The following COA8 variants were observed in gnomAD, a reference collection of about 807,000 sequenced individuals.
COA8 encodes the protein UPF0671 protein C14orf153.
In COA8, 20 loss-of-function variants were observed where a neutral mutation model predicts 22.0. The ratio of observed to expected loss-of-function variants is 0.91; its 90% CI spans 0.64 to 1.32. The LOEUF (loss-of-function observed/expected upper bound fraction) is 1.32, where lower values mean the gene tolerates loss of function less well. Among genes scored for constraint, COA8 ranks in the 40% most tolerant of loss-of-function variants. COA8 has a pLI of 0.00. For synonymous variants in COA8, 105 were observed against 79.9 expected, an observed-to-expected ratio of 1.31 and a Z score of -1.68; for missense variants, 266 against 230.0, an observed-to-expected ratio of 1.16 and a Z score of -1.01.
chr14:103,564,407 C>CAG (rs2076118827), intron 1 of COA8, among the ~76,000 whole-genome samples: 1 of 151,926 alleles, frequency 6.6e-6, no homozygotes. Context: ...TATCTTTGGG[C>CAG]AGAAAGATAG....
chr14:103,567,346 C>T (rs1185033646), intron 1 of COA8: 1 of 145,526 alleles, frequency 6.9e-6, no homozygotes, highest in Non-Finnish European at 1.5e-5. Flanking sequence ...GCACTCCAGC[C>T]TGGGCAACAA....
At chr14:103,564,053 T>A (rs1451235610) in intron 1 of COA8, among the ~76,000 whole-genome samples, 2 of 151,588 alleles carry the variant, frequency 1.3e-5, no homozygotes, top group Non-Finnish European at 2.9e-5. Flanking sequence ...CTCGGGAGGA[T>A]GAGGCAGGAA....
chr14:103,572,511 C>T (rs1438575695), intron 2 of COA8, among the ~76,000 whole-genome samples: 2 of 152,220 alleles, frequency 1.3e-5, no homozygotes, highest in African/African-American at 4.8e-5. Flanking sequence ...GGGTGGATCA[C>T]TTGAAGCCAG....
chr14:103,587,349 A>G lies in COA8; in HGVS notation c.461A>G (p.His154Arg). The change falls in exon 4 of 5, where the codon CAC becomes CGC. Residue 154 changes from histidine to arginine, a missense_variant. Coordinates refer to ENST00000409074, the MANE Select transcript of COA8 (RefSeq NM_001370595.2). ...TTTTTAAGTAAAAATTTTCAGAAGCACATGTATTATAACAGGTAGGTGTTT... is the reference window on the plus strand; with the variant it reads ...TTTTTAAGTAAAAATTTTCAGAAGCGCATGTATTATAACAGGTAGGTGTTT... ...KEFLSKNFQKHMYYNRDWYKR... is the reference protein window; with the variant it reads ...KEFLSKNFQKRMYYNRDWYKR... 15 of 1,612,764 alleles carry G rather than the reference A, an allele frequency of 9.3e-6. No homozygotes were observed. Among genetic ancestry groups the G allele is most frequent in the Non-Finnish European group, 1.2e-5 (14 of 1,178,984 alleles).
Position 103,590,205 on chromosome 14 carries a change from C to T in COA8, c.501C>T (p.Ala167=). 3.1e-6 allele frequency: 5 copies of T among 1,614,152 alleles called. No individual in the cohort carries two copies. Among genetic ancestry groups the T allele is most frequent in the Non-Finnish European group, 3.4e-6 (4 of 1,180,004 alleles). Residue 167 remains alanine, a synonymous_variant, in exon 5 of 5, where the codon GCC becomes GCT. Transcript: ENST00000409074. ...YNRDWYKRNF[A]ITFFMGKVAL... ...GAGATTGGTACAAGCGCAATTTTGCCATCACCTTCTTCATGGGAAAAGTGG... is the reference window on the plus strand; with the variant it reads ...GAGATTGGTACAAGCGCAATTTTGCTATCACCTTCTTCATGGGAAAAGTGG...
At chr14:103,578,800 G>A (rs1045769086) in intron 3 of COA8, among the ~76,000 whole-genome samples, 1 of 152,180 alleles carries the variant, frequency 6.6e-6, no homozygotes, top group Non-Finnish European at 1.5e-5. Flanking sequence ...GGAGTCAGGT[G>A]GCAGCAGCTG....
chr14:103,585,095 G>C, intron 3 of COA8, among the ~76,000 whole-genome samples: 1 of 151,586 alleles, frequency 6.6e-6, no homozygotes, highest in Admixed American at 6.6e-5. Context: ...CCGAGATTGC[G>C]CCACTGCACT....
chr14:103,565,922 A>C (rs1225691171), intron 1 of COA8, among the ~76,000 whole-genome samples: 1 of 151,892 alleles, frequency 6.6e-6, no homozygotes, highest in African/African-American at 2.4e-5. Context: ...GCCCAAAGTC[A>C]CTTTTAGCTT....
chr14:103,569,865 G>GT (rs796666657), intron 1 of COA8, among the ~76,000 whole-genome samples: 2,975 of 151,252 alleles, frequency 0.02, 97 homozygotes, highest in African/African-American at 0.067. Flanking sequence ...TTGTTTGTTT[G>GT]TTTTTTTTTG....
rs536485972 is a variant in COA8 at position 103,566,377 on chromosome 14, G to A, written c.123+3253G>A. Among the ~76,000 whole-genome samples the A allele has an allele frequency of 1.4e-4, 21 of 152,256 alleles. No individual in the cohort carries two copies. The East Asian group carries it at 2.3e-3, about 17-fold the overall frequency. On this transcript the variant is annotated intron_variant, in intron 1 of 4. Transcript: ENST00000409074. ...AGAGGTTGCAGTGAGCCGAGATCGCGCCATTGCACTCCAGCCTGGGCGATG... is the reference window on the plus strand; with the variant it reads ...AGAGGTTGCAGTGAGCCGAGATCGCACCATTGCACTCCAGCCTGGGCGATG...
intron 1 of COA8, among the ~76,000 whole-genome samples, chr14:103,565,618 A>ATTT (rs751191347): frequency 7.8e-6 from 1 of 128,850 alleles, no homozygotes. Flanking sequence ...TTTTTTTTTA[A>ATTT]TTTTTTTTTT....
At chr14:103,572,299 T>C (rs781507728) in intron 2 of COA8, among the ~76,000 whole-genome samples, 1 of 152,212 alleles carries the variant, frequency 6.6e-6, no homozygotes, top group African/African-American at 2.4e-5. Context: ...TAAAAACTAA[T>C]ATGTAACTGT....
intron 4 of COA8, among the ~76,000 whole-genome samples, 155 bp downstream of exon 4, chr14:103,587,519 T>G (rs2076317639): frequency 6.7e-6 from 1 of 149,404 alleles, no homozygotes; most frequent in Non-Finnish European, 1.5e-5. Context: ...TTTTTTTTTT[T>G]TTTTTTGAGA....
intron 3 of COA8, among the ~76,000 whole-genome samples, chr14:103,578,012 G>GAAACTCC (rs2076241425): frequency 2.8e-5 from 3 of 108,810 alleles, no homozygotes; most frequent in Non-Finnish European, 3.4e-5. Flanking sequence ...CAGCAAGAGT[G>GAAACTCC]AAACTCCATC....
intron 3 of COA8, among the ~76,000 whole-genome samples, chr14:103,575,072 C>T (rs916732086): frequency 7.9e-5 from 12 of 152,262 alleles, no homozygotes; most frequent in Non-Finnish European, 1.0e-4. Flanking sequence ...TACTGGGCCT[C>T]GCCGCGCCCC....
intron 3 of COA8, 60 bp from the exon 4 acceptor site, chr14:103,587,214 T>G (rs969022463): frequency 7.2e-7 from 1 of 1,388,582 alleles, no homozygotes; most frequent in African/African-American, 1.4e-5. Context: ...TTAGCTCTAA[T>G]AGTTTTTTGT....
At position 103,581,287 on chromosome 14, in the gene COA8, G is replaced by A. The variant is rs1445944551; in HGVS notation, c.386-5987G>A. Among the ~76,000 whole-genome samples the A allele has an allele frequency of 6.6e-6, 1 of 152,184 alleles. No individual in the cohort carries two copies. Among genetic ancestry groups the A allele is most frequent in the African/African-American group, 2.4e-5 (1 of 41,438 alleles). On this transcript the variant is annotated intron_variant, in intron 3 of 4. Transcript: ENST00000409074. This position sits in a 1 kb window ranked among gnomAD's most constrained non-coding sequence, Gnocchi z 4.1. ...ATAGAACAAGTGTAACAATATGCCA[G>A]CATCTCTAATCTTGTATTTTGCAAC... is the stretch of plus-strand genomic sequence containing the variant.
intron 3 of COA8, among the ~76,000 whole-genome samples, chr14:103,575,318 C>T (rs2076223058): frequency 6.6e-6 from 1 of 152,190 alleles, no homozygotes; most frequent in South Asian, 2.1e-4. Flanking sequence ...TTACTAAGGT[C>T]CCAGAATCCT....
Position 103,590,285 on chromosome 14 carries a change from A to AGGAGTCCACTCTGACCCAGCC in COA8, c.582_*20dup. Reference sequence around the variant, plus strand: ...CAGAAACAAAAGAAGAGGAGCAACTAGGAGTCCACTCTGACCCAGCCAGAG... The same window carrying AGGAGTCCACTCTGACCCAGCC: ...CAGAAACAAAAGAAGAGGAGCAACTAGGAGTCCACTCTGACCCAGCCGGAGTCCACTCTGACCCAGCCAGAG... On this transcript the variant is annotated inframe_insertion and stop_retained_variant, in exon 5 of 5. Transcript: ENST00000409074. The AGGAGTCCACTCTGACCCAGCC allele has an allele frequency of 6.2e-7, 1 of 1,613,556 alleles. No homozygotes were observed. Among genetic ancestry groups the AGGAGTCCACTCTGACCCAGCC allele is most frequent in the African/African-American group, 1.3e-5 (1 of 75,058 alleles).
Sources: allele counts gnomAD v4.1 joint callset (sites outside exome capture counted in the v4.1 genomes callset), GRCh38; gene constraint gnomAD v4.1.1; non-coding constraint Gnocchi (gnomAD v3.1); transcripts MANE v1.5; gene names NCBI Gene and HGNC (gene_info 2026-07-23, HGNC 2026-07-21).